The following NTM variants were observed in gnomAD, a reference collection of about 807,000 sequenced individuals.
The protein encoded by NTM is IgLON family member 2.
NTM carries 13 observed loss-of-function variants against 42.1 expected under a neutral mutation model. The observed-to-expected ratio is 0.31, with a 90% CI of 0.20 to 0.49. NTM has a LOEUF of 0.49. Among genes scored for constraint, NTM ranks in the 20% least tolerant of loss-of-function variants. NTM has a pLI of 0.99. For synonymous variants in NTM, 187 were observed against 179.2 expected (o/e 1.04, Z -0.35); for missense variants, 373 against 452.8 (o/e 0.82, Z 1.60).
intron 1 of NTM, among the ~76,000 whole-genome samples, chr11:131,807,232 G>A (rs983532874): frequency 2.0e-5 from 3 of 152,198 alleles, no homozygotes; most frequent in East Asian, 1.9e-4. Context: ...GGAATACCAC[G>A]CTTGGGAATC....
intron 1 of NTM, among the ~76,000 whole-genome samples, chr11:131,901,572 T>A (rs1334036145): frequency 6.6e-6 from 1 of 152,072 alleles, no homozygotes; most frequent in Non-Finnish European, 1.5e-5. Context: ...CCTTGGGGAA[T>A]CTAGTATTAA....
chr11:131,683,218 C>G (rs2073274674), intron 1 of NTM, among the ~76,000 whole-genome samples: 1 of 152,204 alleles, frequency 6.6e-6, no homozygotes, highest in African/African-American at 2.4e-5. Flanking sequence ...CCTGGCAGAG[C>G]ATCACTCTCC....
At chr11:132,231,727 T>C (rs953088100) in intron 4 of NTM, among the ~76,000 whole-genome samples, 6 of 152,190 alleles carry the variant, frequency 3.9e-5, no homozygotes, top group Non-Finnish European at 7.4e-5. Context: ...CTATGAGCTG[T>C]GAGCTATGAG....
chr11:131,560,297 C>T (rs1283586859), intron 1 of NTM, among the ~76,000 whole-genome samples: 1 of 152,136 alleles, frequency 6.6e-6, no homozygotes, highest in African/African-American at 2.4e-5. Context: ...TTTGAGATTG[C>T]AGAGATAGCT....
intron 1 of NTM, among the ~76,000 whole-genome samples, chr11:131,789,629 AAGAAGAAAAGAAGAAG>A (rs1565552949): frequency 1.2e-4 from 11 of 89,216 alleles, no homozygotes; most frequent in African/African-American, 4.9e-4. Flanking sequence ...GAAGAAGAAG[AAGAAGAAAAGAAGAAG>A]AAGAAGAAGA....
chr11:131,392,174 T>C (rs2135596503), intron 1 of NTM, among the ~76,000 whole-genome samples: 1 of 152,368 alleles, frequency 6.6e-6, no homozygotes, highest in Middle Eastern at 3.4e-3. Context: ...CATACTATAT[T>C]ACAGTGTTTC....
At chr11:131,669,517 A>AGGCATGTTAGG (rs1380125819) in intron 1 of NTM, among the ~76,000 whole-genome samples, 1 of 152,188 alleles carries the variant, frequency 6.6e-6, no homozygotes, top group South Asian at 2.1e-4. Context: ...TAGAGCTGGA[A>AGGCATGTTAGG]GGCATGTTAG....
Position 131,996,493 on chromosome 11 carries a change from A to T in NTM, c.167+84845A>T, listed in dbSNP as rs113770706. On this transcript the variant is annotated intron_variant, in intron 2 of 8. Coordinates refer to ENST00000683400, the MANE Select transcript of NTM (RefSeq NM_001352005.2). ...TTCAGCTCTTCTCTGTAGGTGCTGGAAAACTCCCGTCCATTCATTAAGATG... is the reference window on the plus strand; with the variant it reads ...TTCAGCTCTTCTCTGTAGGTGCTGGTAAACTCCCGTCCATTCATTAAGATG... Among the ~76,000 whole-genome samples, 676 of 152,282 alleles carry T rather than the reference A, an allele frequency of 4.4e-3. 8 individuals carry two copies. The highest frequency in any genetic ancestry group is 0.015 in the African/African-American group (643 of 41,548).
In NTM at chr11:132,003,174, G is replaced by T. The variant is rs544830382; in HGVS notation, c.167+91526G>T. 6.6e-6 allele frequency among the ~76,000 whole-genome samples: 1 copy of T among 151,790 alleles called. No homozygotes were observed. The highest frequency in any genetic ancestry group is 2.4e-5 in the African/African-American group (1 of 41,264). ...CCCGGTTCTGAGCCAGAGTTATTTC[G>T]CTCTGCCAGTGGTGCACTTCAGAAA... On this transcript the variant is annotated intron_variant, in intron 2 of 8. Coordinates refer to ENST00000683400, the MANE Select transcript of NTM (RefSeq NM_001352005.2). The surrounding 1 kb of genome is among the most constrained non-coding windows in gnomAD (Gnocchi z 6.0).
intron 1 of NTM, chr11:131,774,070 A>C (rs1346745562): frequency 2.0e-6 from 2 of 984,798 alleles, no homozygotes; most frequent in Non-Finnish European, 2.4e-6. Context: ...TGTTGTTCCA[A>C]TGTTGTTCCA....
At chr11:132,055,671 GAGAGAGAGAGAC>G (rs1462081443) in intron 2 of NTM, among the ~76,000 whole-genome samples, 3 of 97,310 alleles carry the variant, frequency 3.1e-5, no homozygotes, top group Non-Finnish European at 7.4e-5. Context: ...GAGCGAGAGT[GAGAGAGAGAGAC>G]AGAGAGAGAG....
At chr11:131,379,397 A>C (rs961919107) in intron 1 of NTM, among the ~76,000 whole-genome samples, 7 of 152,282 alleles carry the variant, frequency 4.6e-5, no homozygotes, top group Admixed American at 3.3e-4. Flanking sequence ...GAATCCAGCC[A>C]CATGTCCTAT....
intron 1 of NTM, among the ~76,000 whole-genome samples, chr11:131,704,565 A>G (rs2076397968): frequency 6.6e-6 from 1 of 152,234 alleles, no homozygotes; most frequent in African/African-American, 2.4e-5. Flanking sequence ...CAAAGCCACA[A>G]GGATCACAAA....
chr11:131,700,150 G>A (rs1245883329), intron 1 of NTM, among the ~76,000 whole-genome samples: 1 of 152,074 alleles, frequency 6.6e-6, no homozygotes, highest in South Asian at 2.1e-4. Context: ...TTTAGGAGTT[G>A]TCTAATTTTA....
At chr11:132,079,120 A>G (rs866414106) in intron 2 of NTM, among the ~76,000 whole-genome samples, 1 of 152,174 alleles carries the variant, frequency 6.6e-6, no homozygotes, top group African/African-American at 2.4e-5. Context: ...AGAACCAGCA[A>G]ACCTTAGACT....
At chr11:131,938,861 A>G (rs2059502991) in intron 2 of NTM, among the ~76,000 whole-genome samples, 2 of 152,192 alleles carry the variant, frequency 1.3e-5, no homozygotes, top group African/African-American at 4.8e-5. Flanking sequence ...GAGCTGACTC[A>G]AGCACCTGTT....
At chr11:131,915,774 A>C (rs2056236163) in intron 2 of NTM, among the ~76,000 whole-genome samples, 1 of 152,208 alleles carries the variant, frequency 6.6e-6, no homozygotes, top group Admixed American at 6.5e-5. Context: ...AAGCCAAGAG[A>C]AAGGGGAAAC....
chr11:132,256,615 G>A (rs959729022), intron 4 of NTM, among the ~76,000 whole-genome samples: 12 of 151,630 alleles, frequency 7.9e-5, no homozygotes, highest in Non-Finnish European at 1.6e-4. Context: ...ATGCGAGCTG[G>A]CTCTCGCTCT....
At chr11:131,995,015 C>T (rs1274417642) in intron 2 of NTM, among the ~76,000 whole-genome samples, 1 of 152,120 alleles carries the variant, frequency 6.6e-6, no homozygotes, top group Non-Finnish European at 1.5e-5. Flanking sequence ...GTAGTTCAGA[C>T]TGTTGTTCCC....
Sources: allele counts gnomAD v4.1 joint callset (sites outside exome capture counted in the v4.1 genomes callset), GRCh38; gene constraint gnomAD v4.1.1; non-coding constraint Gnocchi (gnomAD v3.1); transcripts MANE v1.5; gene names NCBI Gene and HGNC (gene_info 2026-07-23, HGNC 2026-07-21).